The following GRAMD4 variants were observed in gnomAD, a reference collection of about 807,000 sequenced individuals.
GRAMD4 encodes GRAM domain-containing protein 4.
Under a neutral mutation model 83.9 loss-of-function variants are expected in GRAMD4, and 25 were observed. That is an observed-to-expected ratio of 0.30 (90% confidence interval 0.22 to 0.42). The LOEUF (loss-of-function observed/expected upper bound fraction) is 0.42. Among genes scored for constraint, GRAMD4 ranks in the 10% least tolerant of loss-of-function variants. The pLI is 1.00. For missense variants in GRAMD4, 593 were observed against 788.7 expected (o/e 0.75, Z 2.97); for synonymous variants, 336 against 320.9 (o/e 1.05, Z -0.50).
chr22:46,595,723 G>T (rs913400769), intron 1 of GRAMD4, among the ~76,000 whole-genome samples: 6 of 152,230 alleles, frequency 3.9e-5, no homozygotes, highest in Non-Finnish European at 8.8e-5. Context: ...CCGGTCAGGG[G>T]GCCAAGATGG....
intron 1 of GRAMD4, among the ~76,000 whole-genome samples, chr22:46,623,784 CTT>C (rs35664381): frequency 1.6e-4 from 21 of 133,268 alleles, no homozygotes; most frequent in Admixed American, 2.3e-4. Flanking sequence ...GTCAAGCTGC[CTT>C]TTTTTTTTTT....
chr22:46,678,380 G>C lies in GRAMD4; in HGVS notation c.*1129G>C. On this transcript the variant is annotated 3_prime_UTR_variant, in exon 19 of 19. Coordinates refer to ENST00000406902, the MANE Select transcript of GRAMD4 (RefSeq NM_015124.5). ...TCCCCCGCGTGCCTAGCCGGTGCCG[G>C]TCCGGGCACAGACCCCCCCAGCCCC... 1.0e-6 allele frequency: 1 copy of C among 985,068 alleles called. No homozygotes were observed. Among genetic ancestry groups the C allele is most frequent in the Non-Finnish European group, 1.2e-6 (1 of 829,586 alleles). The allele number at this position is 985,068 out of a possible 1,614,324, so 61.0% of individuals were successfully genotyped here. A position where few individuals can be genotyped will look rare whatever the true frequency, so the allele number is the denominator to read the frequency against.
chr22:46,668,814 C>A lies in GRAMD4; in HGVS notation c.990C>A (p.Val330=). 6.3e-7 allele frequency: 1 copy of A among 1,595,930 alleles called. No homozygotes were observed. The highest frequency in any genetic ancestry group is 1.1e-5 in the South Asian group (1 of 90,804). The change falls in exon 13 of 19, where the codon GTC becomes GTA. Residue 330 remains valine, a synonymous_variant. Coordinates refer to ENST00000406902, the MANE Select transcript of GRAMD4 (RefSeq NM_015124.5). The stretch of plus-strand genomic sequence containing the variant: ...CTCCTTCCAGCTTGTTCATGTGGGT[C>A]CAGCCGGAGATCACACAGAAGCTGT... ...LEKIKNLFMW[V]QPEITQKLYV...
chr22:46,653,512 G>A (rs1030272115), intron 3 of GRAMD4, among the ~76,000 whole-genome samples: 6 of 152,188 alleles, frequency 3.9e-5, no homozygotes, highest in Admixed American at 2.0e-4. Flanking sequence ...GGAGGGACCC[G>A]TGTCCGCATC....
At chr22:46,615,252 C>T (rs1204905830) in intron 1 of GRAMD4, among the ~76,000 whole-genome samples, 2 of 10,414 alleles carry the variant, frequency 1.9e-4, no homozygotes, top group African/African-American at 7.6e-4. Flanking sequence ...TAGGTTCCCC[C>T]GTGTGTAGGT....
chr22:46,603,510 C>CTAATTTTT (rs1169458967), intron 1 of GRAMD4, among the ~76,000 whole-genome samples: 20 of 22,438 alleles, frequency 8.9e-4, no homozygotes, highest in South Asian at 2.1e-3. Flanking sequence ...CGCCCGGCCT[C>CTAATTTTT]TTCTCTTTTT....
At chr22:46,648,529 G>A (rs1601630447) in intron 3 of GRAMD4, among the ~76,000 whole-genome samples, 1 of 149,348 alleles carries the variant, frequency 6.7e-6, no homozygotes, top group East Asian at 2.1e-4. Context: ...AGACAGATGG[G>A]TGGGTGAATG....
chr22:46,629,539 C>T (rs931559029), intron 2 of GRAMD4, among the ~76,000 whole-genome samples: 8 of 152,154 alleles, frequency 5.3e-5, no homozygotes, highest in African/African-American at 1.4e-4. Flanking sequence ...CTGCTCCTTC[C>T]GAGGTCCCCT....
upstream of GRAMD4, among the ~76,000 whole-genome samples, chr22:46,575,813 T>A (rs2081038622): frequency 6.6e-6 from 1 of 152,180 alleles, no homozygotes; most frequent in African/African-American, 2.4e-5. Context: ...AAGCGCTGGA[T>A]CCTTTACCCT....
At position 46,622,432 on chromosome 22, in the gene GRAMD4, C is replaced by T. The variant is rs2081588928; in HGVS notation, c.-50+1867C>T. Among the ~76,000 whole-genome samples, 1 of 152,222 alleles carries T rather than the reference C, an allele frequency of 6.6e-6. No homozygotes were observed. The highest frequency in any genetic ancestry group is 1.5e-5 in the Non-Finnish European group (1 of 68,038). On this transcript the variant is annotated intron_variant, in intron 1 of 18. Coordinates refer to ENST00000406902, the MANE Select transcript of GRAMD4 (RefSeq NM_015124.5). The surrounding 1 kb of genome is among the most constrained non-coding windows in gnomAD (Gnocchi z 4.0). ...AGGAAGTAGGTTTTACATTGCTACA[C>T]TTCCCCTAGCCCGTTCATCCTTCCT...
At position 46,587,870 on chromosome 22, in the gene GRAMD4, G is replaced by A. The variant is rs747618344; in HGVS notation, c.-50+10580G>A. ...AGGCGTGTGCGCCAGAAGCCCGGGC[G>A]TCGGGGTGGGGCCGCGGGAGGATGG... On this transcript the variant is annotated intron_variant, in intron 1 of 1. Transcript: ENST00000431155. The A allele has an allele frequency of 2.8e-5, 27 of 981,558 alleles. 1 individual carries two copies. Among genetic ancestry groups the A allele is most frequent in the South Asian group, 9.4e-5 (2 of 21,210 alleles). 60.8% of individuals were successfully genotyped at this position (981,558 alleles called of 1,614,324 possible).
rs565103222 is a variant in GRAMD4 at position 46,599,189 on chromosome 22, G to T, written c.-50+21899G>T. ...CCACTGGGGGTCAGATATTTCTGCTGTTGAGCCACCCTGGGCGCAGACAGG... is the reference window on the plus strand; with the variant it reads ...CCACTGGGGGTCAGATATTTCTGCTTTTGAGCCACCCTGGGCGCAGACAGG... On this transcript the variant is annotated intron_variant, in intron 1 of 1. Coordinates refer to the GRAMD4 transcript ENST00000431155. Among the ~76,000 whole-genome samples the T allele has an allele frequency of 2.4e-4, 37 of 152,298 alleles. 2 individuals carry two copies. In the South Asian group the frequency reaches 7.7e-3, roughly 32 times the overall value.
intron 1 of GRAMD4, among the ~76,000 whole-genome samples, chr22:46,603,728 G>T (rs1231406772): frequency 6.6e-6 from 1 of 151,172 alleles, no homozygotes; most frequent in South Asian, 2.1e-4. Context: ...GTGTTAGCCA[G>T]GATGGTCTCG....
At chr22:46,593,688 G>A (rs928147389) in intron 1 of GRAMD4, among the ~76,000 whole-genome samples, 1 of 152,078 alleles carries the variant, frequency 6.6e-6, no homozygotes, top group African/African-American at 2.4e-5. Context: ...CTGCTGTTGG[G>A]CGTCTGTGCA....
intron 3 of GRAMD4, among the ~76,000 whole-genome samples, chr22:46,645,578 A>G (rs1183145321): frequency 2.0e-5 from 3 of 152,164 alleles, no homozygotes; most frequent in African/African-American, 4.8e-5. Context: ...TCAATTATCT[A>G]TAGTGCTTTC....
At chr22:46,674,379 G>A (rs1057194871) in intron 15 of GRAMD4, among the ~76,000 whole-genome samples, 39 of 152,352 alleles carry the variant, frequency 2.6e-4, no homozygotes, top group African/African-American at 8.7e-4. Context: ...GGTCTTGGAG[G>A]TGGTGTCCCG....
chr22:46,637,620 A>C (rs1296044272), intron 2 of GRAMD4, among the ~76,000 whole-genome samples: 1 of 152,138 alleles, frequency 6.6e-6, no homozygotes, highest in African/African-American at 2.4e-5. Context: ...CCTGCTCCCC[A>C]CAGAGGAGGC....
intron 1 of GRAMD4, among the ~76,000 whole-genome samples, chr22:46,583,629 C>A (rs1224339059): frequency 6.6e-6 from 1 of 152,212 alleles, no homozygotes; most frequent in Non-Finnish European, 1.5e-5. Flanking sequence ...AATTGGAATT[C>A]CTCTGTTGGA....
intron 11 of GRAMD4, 81 bp from the exon 12 acceptor site, chr22:46,668,608 C>G: frequency 7.5e-7 from 1 of 1,338,432 alleles, no homozygotes; most frequent in Non-Finnish European, 1.1e-6. Flanking sequence ...GCTGCCCGAC[C>G]TGGAGGCCCT....
Sources: allele counts gnomAD v4.1 joint callset (sites outside exome capture counted in the v4.1 genomes callset), GRCh38; gene constraint gnomAD v4.1.1; non-coding constraint Gnocchi (gnomAD v3.1); transcripts MANE v1.5; gene names NCBI Gene and HGNC (gene_info 2026-07-23, HGNC 2026-07-21).